The following SOX5 variants were observed in gnomAD, a reference collection of about 807,000 sequenced individuals.
The protein encoded by SOX5 is transcription factor SOX-5.
Under a neutral mutation model 92.0 loss-of-function variants are expected in SOX5, and 9 were observed. The observed-to-expected ratio is 0.10, with a 90% CI of 0.06 to 0.17. The LOEUF is 0.17. Ranked by LOEUF, SOX5 falls within the 10% of genes least tolerant of loss-of-function variation. SOX5 has a pLI of 1.00. For synonymous variants in SOX5, 344 were observed against 336.3 expected (o/e 1.02, Z -0.25); for missense variants, 642 against 944.5 (o/e 0.68, Z 4.20).
At chr12:23,832,950 T>C (rs1037719733) in intron 3 of SOX5, among the ~76,000 whole-genome samples, 2 of 151,956 alleles carry the variant, frequency 1.3e-5, no homozygotes, top group African/African-American at 4.8e-5. Context: ...TACATAGATG[T>C]TAAACTATAA....
rs549199587 is a variant in SOX5, at chr12:24,302,951, A to C, written c.-173-25639T>G. Among the ~76,000 whole-genome samples the C allele has an allele frequency of 3.9e-5, 6 of 152,294 alleles. No homozygotes were observed. The South Asian group carries it at 6.2e-4, about 16-fold the overall frequency. The stretch of plus-strand genomic sequence containing the variant: ...CAACAGTAACAAAAACCAAAAAAAA[A>C]CCTGATTTTCTGAAAATAATGCACA... On this transcript the variant is annotated intron_variant, in intron 2 of 4. Coordinates refer to the SOX5 transcript ENST00000446891.
At chr12:23,783,154 T>C (rs2095314886) in intron 3 of SOX5, among the ~76,000 whole-genome samples, 1 of 152,200 alleles carries the variant, frequency 6.6e-6, no homozygotes, top group Non-Finnish European at 1.5e-5. Flanking sequence ...TATTTTCTTA[T>C]AATCTGTCTT....
intron 3 of SOX5, among the ~76,000 whole-genome samples, chr12:24,250,423 G>A (rs1939791978): frequency 6.6e-6 from 1 of 152,124 alleles, no homozygotes; most frequent in East Asian, 1.9e-4. Flanking sequence ...TTTTTGAGAC[G>A]CAGCCTAAAC....
At chr12:24,257,583 C>A (rs1451041363) in intron 3 of SOX5, among the ~76,000 whole-genome samples, 1 of 152,138 alleles carries the variant, frequency 6.6e-6, no homozygotes. Flanking sequence ...ATTCTCCTGC[C>A]GCAGCCTCCT....
rs371861461 is a variant in SOX5 at position 23,896,063 on chromosome 12, A to G, written c.39-39T>C. On this transcript the variant is annotated intron_variant, in intron 1 of 14. Coordinates refer to ENST00000451604, the MANE Select transcript of SOX5 (RefSeq NM_006940.6). ...AAGAGGAGAAAATAATGAAACCTCC[A>G]CATAAATCCTTAATGCCGTCATTGT... 127 of 1,380,880 alleles carry G rather than the reference A, an allele frequency of 9.2e-5. 1 individual carries two copies. In the African/African-American group the frequency reaches 1.6e-3, roughly 18 times the overall value. 85.5% of individuals were successfully genotyped at this position (1,380,880 alleles called of 1,614,324 possible).
upstream of SOX5, among the ~76,000 whole-genome samples, chr12:23,955,678 C>T (rs563691141): frequency 6.4e-4 from 97 of 151,818 alleles, no homozygotes; most frequent in Non-Finnish European, 1.2e-3. Context: ...ATGGTTTGTT[C>T]GCTTATGAAG....
chr12:23,847,633 A>C (rs937792016), intron 2 of SOX5, among the ~76,000 whole-genome samples: 6 of 152,076 alleles, frequency 3.9e-5, no homozygotes. Context: ...TGTTACAAAC[A>C]TCAGTTTGTT....
At chr12:23,787,557 A>G (rs533380247) in intron 3 of SOX5, among the ~76,000 whole-genome samples, 1 of 152,142 alleles carries the variant, frequency 6.6e-6, no homozygotes, top group East Asian at 1.9e-4. Context: ...AAATATATCA[A>G]TAGCAACTTC....
chr12:23,893,623 T>C (rs2097150370), intron 2 of SOX5, among the ~76,000 whole-genome samples: 1 of 152,186 alleles, frequency 6.6e-6, no homozygotes, highest in Non-Finnish European at 1.5e-5. Context: ...ATTATCTACA[T>C]TCATCTCTGC....
At chr12:24,480,094 A>C (rs1945823065) in intron 1 of SOX5, among the ~76,000 whole-genome samples, 1 of 152,218 alleles carries the variant, frequency 6.6e-6, no homozygotes, top group Non-Finnish European at 1.5e-5. Context: ...TAGAATACCC[A>C]GAAACAAATC....
rs1171114896 is a variant in SOX5, at chr12:24,148,724, GAAAGA to G, written c.-2+64614_-2+64618del. Among the ~76,000 whole-genome samples the G allele has an allele frequency of 1.4e-3, 175 of 124,674 alleles. 2 individuals carry two copies. Among genetic ancestry groups the G allele is most frequent in the African/African-American group, 5.1e-3 (167 of 32,942 alleles). The allele number at this position is 124,674 out of a possible 152,430, so 81.8% of individuals were successfully genotyped here. A position where few individuals can be genotyped will look rare whatever the true frequency, so the allele number is the denominator to read the frequency against. On this transcript the variant is annotated intron_variant, in intron 4 of 4. Coordinates refer to the SOX5 transcript ENST00000446891. ...AAAAAAAAAAAAAAAAAAGAAGAAA[GAAAGA>G]AAAGAAAAGAATTGGCTGGATATAG...
intron 3 of SOX5, among the ~76,000 whole-genome samples, chr12:23,778,969 G>C (rs1167665735): frequency 6.6e-6 from 1 of 152,168 alleles, no homozygotes; most frequent in Non-Finnish European, 1.5e-5. Context: ...CACAATCTCA[G>C]TGAATGCAAT....
At chr12:24,062,641 A>G (rs1939956530) in intron 4 of SOX5, among the ~76,000 whole-genome samples, 1 of 152,222 alleles carries the variant, frequency 6.6e-6, no homozygotes, top group Admixed American at 6.5e-5. Context: ...CTGAAGTGTT[A>G]GAGCTTGCCA....
In SOX5 at chr12:23,741,033, G is replaced by A; in HGVS notation, c.575C>T (p.Pro192Leu). The A allele has an allele frequency of 6.3e-7, 1 of 1,591,200 alleles. No homozygotes were observed. Among genetic ancestry groups the A allele is most frequent in the Non-Finnish European group, 8.6e-7 (1 of 1,166,470 alleles). ...CCTTTCTTTCTCAGCTAAGCTCTCGGGAGTCCCTACAAATCATATAGCAAT... is the reference window on the plus strand; with the variant it reads ...CCTTTCTTTCTCAGCTAAGCTCTCGAGAGTCCCTACAAATCATATAGCAAT... ...SGNFGEIKGT[P>L]ESLAEKERQL... The change falls in exon 5 of 15, where the codon CCC (proline) becomes CTC (leucine). Residue 192 changes from proline to leucine, a missense_variant. Coordinates refer to ENST00000451604, the MANE Select transcript of SOX5 (RefSeq NM_006940.6).
chr12:24,030,914 T>C (rs965321121), intron 4 of SOX5, among the ~76,000 whole-genome samples: 2 of 151,842 alleles, frequency 1.3e-5, no homozygotes, highest in Non-Finnish European at 2.9e-5. Flanking sequence ...AAAGAACACA[T>C]GCAAATGGCC....
intron 6 of SOX5, among the ~76,000 whole-genome samples, chr12:23,684,671 T>C (rs563650740): frequency 6.6e-6 from 1 of 152,078 alleles, no homozygotes; most frequent in Non-Finnish European, 1.5e-5. Flanking sequence ...TACAAAGAAC[T>C]GCAAATTCAA....
chr12:23,956,238 A>G (rs888051082), intron 4 of SOX5, among the ~76,000 whole-genome samples: 3 of 152,114 alleles, frequency 2.0e-5, no homozygotes, highest in African/African-American at 7.2e-5. Context: ...GTCTACTTGT[A>G]TCTAGCACAG....
intron 1 of SOX5, among the ~76,000 whole-genome samples, chr12:24,461,137 T>C (rs891355734): frequency 6.6e-6 from 1 of 152,224 alleles, no homozygotes; most frequent in African/African-American, 2.4e-5. Context: ...ACAATAAAGA[T>C]GAAATTCTAT....
chr12:24,247,988 A>G (rs1223602498), intron 3 of SOX5, among the ~76,000 whole-genome samples: 1 of 152,056 alleles, frequency 6.6e-6, no homozygotes, highest in Non-Finnish European at 1.5e-5. Context: ...TTTTAAAAAC[A>G]CCAGAGACAT....
Sources: allele counts gnomAD v4.1 joint callset (sites outside exome capture counted in the v4.1 genomes callset), GRCh38; gene constraint gnomAD v4.1.1; transcripts MANE v1.5; gene names NCBI Gene and HGNC (gene_info 2026-07-23, HGNC 2026-07-21).